CRHR2: variants seen among roughly 807,000 people sequenced by gnomAD.
CRHR2 encodes corticotropin releasing hormone receptor 2, also known as corticotropin-releasing hormone receptor 2.
Under a neutral mutation model 57.9 loss-of-function variants are expected in CRHR2, and 53 were observed. The ratio of observed to expected loss-of-function variants is 0.92; its 90% CI spans 0.73 to 1.15. The LOEUF is 1.15. Among genes scored for constraint, CRHR2 ranks in the 50% most tolerant of loss-of-function variants. CRHR2 has a pLI of 0.00. For missense variants in CRHR2, 532 were observed against 542.6 expected (o/e 0.98, Z 0.19); for synonymous variants, 213 against 220.9 (o/e 0.96, Z 0.32).
At position 30,694,024 on chromosome 7, in the gene CRHR2, G is replaced by A. The variant is rs188390292; in HGVS notation, c.-260-4740C>T. ...CAGCCCATGAGACTGACTGTAGGCT[G>A]TGGGAGCACAGGGTCCACATCTGTG... On this transcript the variant is annotated intron_variant, in intron 1 of 13. Transcript: ENST00000341843. 1.4e-4 allele frequency among the ~76,000 whole-genome samples: 21 copies of A among 152,326 alleles called. No homozygotes were observed. In the East Asian group the frequency reaches 3.7e-3, roughly 27 times the overall value.
chr7:30,683,640 C>G (rs1186671403), upstream of CRHR2, among the ~76,000 whole-genome samples: 5 of 152,244 alleles, frequency 3.3e-5, no homozygotes, highest in African/African-American at 1.2e-4. Flanking sequence ...CTTGCCCTCT[C>G]TTCTGGAGCT....
chr7:30,657,982 G>A (rs1004049614), intron 8 of CRHR2, among the ~76,000 whole-genome samples: 8 of 152,110 alleles, frequency 5.3e-5, no homozygotes, highest in African/African-American at 1.4e-4. Flanking sequence ...TGGCCCATCC[G>A]TCTATCCATT....
At chr7:30,689,413 G>A (rs527312034) in intron 1 of CRHR2, 2 of 789,064 alleles carry the variant, frequency 2.5e-6, no homozygotes, top group Non-Finnish European at 4.2e-6. Context: ...AACAAGGAGG[G>A]AGATGCCCAT....
intron 3 of CRHR2, among the ~76,000 whole-genome samples, chr7:30,666,552 T>C (rs899226082): frequency 1.3e-5 from 2 of 152,212 alleles, no homozygotes; most frequent in Admixed American, 1.3e-4. Flanking sequence ...GCAGAACCCC[T>C]GTGGCTCACA....
chr7:30,690,515 T>C (rs1439997208), intron 1 of CRHR2, among the ~76,000 whole-genome samples: 1 of 152,096 alleles, frequency 6.6e-6, no homozygotes, highest in Non-Finnish European at 1.5e-5. Context: ...AAGACACTGC[T>C]CCATCAGTGT....
At position 30,662,336 on chromosome 7, in the gene CRHR2, A is replaced by T. The variant is rs546200328; in HGVS notation, c.698-120T>A. The T allele has an allele frequency of 1.0e-4, 120 of 1,160,910 alleles. 1 individual carries two copies. The African/African-American group carries it at 1.7e-3, about 16-fold the overall frequency. The allele number at this position is 1,160,910 out of a possible 1,614,324, so 71.9% of individuals were successfully genotyped here. On this transcript the variant is annotated intron_variant, in intron 6 of 11. Transcript: ENST00000471646. ...GTTTTTACTCTTCCAACAGCAGGCC[A>T]CCCACAACCCCAGGGGTGCCCTGTC...
chr7:30,675,289 C>T (rs535238436), intron 2 of CRHR2, among the ~76,000 whole-genome samples: 14 of 152,330 alleles, frequency 9.2e-5, no homozygotes, highest in Admixed American at 3.3e-4. Context: ...TCCTTCAGCC[C>T]GTCTTCAGGG....
chr7:30,668,811 A>AT (rs1281825167), intron 2 of CRHR2, among the ~76,000 whole-genome samples: 4 of 152,134 alleles, frequency 2.6e-5, no homozygotes, highest in African/African-American at 9.7e-5. Flanking sequence ...GGGCCCTGCC[A>AT]TCCCCCTGCC....
At chr7:30,683,027 C>A (rs1055902640), upstream of CRHR2, among the ~76,000 whole-genome samples, 1 of 152,094 alleles carries the variant, frequency 6.6e-6, no homozygotes, top group African/African-American at 2.4e-5. Context: ...TGGATCAGAC[C>A]GTGGAAGCTG....
intron 2 of CRHR2, among the ~76,000 whole-genome samples, chr7:30,676,380 G>A (rs1784516405): frequency 6.6e-6 from 1 of 152,180 alleles, no homozygotes; most frequent in African/African-American, 2.4e-5. Flanking sequence ...GAGTCAGGGG[G>A]GATCAGGTCT....
intron 2 of CRHR2, among the ~76,000 whole-genome samples, chr7:30,678,114 T>C (rs777237546): frequency 9.9e-5 from 15 of 152,196 alleles, no homozygotes; most frequent in Non-Finnish European, 1.5e-4. Context: ...TGCCCTGTGT[T>C]CTTGGCTTGG....
At chr7:30,689,139 G>A (rs1784909772) in intron 2 of CRHR2, 1 of 1,484,584 alleles carries the variant, frequency 6.7e-7, no homozygotes, top group Non-Finnish European at 9.2e-7. Flanking sequence ...CTCCCGCAGG[G>A]CCCACCCACA....
chr7:30,666,310 T>C (rs1019409984), intron 3 of CRHR2, among the ~76,000 whole-genome samples: 1 of 152,236 alleles, frequency 6.6e-6, no homozygotes. Flanking sequence ...GCACTGTCTA[T>C]AGAGAATTTA....
At chr7:30,696,360 T>G (rs1785055945) in intron 1 of CRHR2, among the ~76,000 whole-genome samples, 1 of 152,208 alleles carries the variant, frequency 6.6e-6, no homozygotes, top group Non-Finnish European at 1.5e-5. Context: ...ACACATTGCA[T>G]GCCTGTATCA....
Position 30,653,548 on chromosome 7 carries a change from AG to A in CRHR2, c.1147del (p.Leu383PhefsTer88). Reference sequence around the variant, plus strand: ...CATGGCCCGGGCCATGGGGACTCGAAGGGAGTGATGGTCCTGCCAGCGGTGC... The same window carrying A: ...CATGGCCCGGGCCATGGGGACTCGAAGGAGTGATGGTCCTGCCAGCGGTGC... ...RWHRWQDHHSLRVPMARAMSI... is the reference protein window; with the variant it reads ...RWHRWQDHHSXRVPMARAMSI... On this transcript the variant is annotated frameshift_variant, in exon 12 of 12. Transcript: ENST00000471646. LOFTEE classifies it high-confidence loss of function. This position sits in a 1 kb window ranked among gnomAD's most constrained non-coding sequence, Gnocchi z 5.0. The A allele has an allele frequency of 6.2e-7, 1 of 1,613,282 alleles. No homozygotes were observed. Among genetic ancestry groups the A allele is most frequent in the Non-Finnish European group, 8.5e-7 (1 of 1,179,898 alleles).
intron 2 of CRHR2, among the ~76,000 whole-genome samples, chr7:30,676,503 G>A (rs904754784): frequency 7.2e-5 from 11 of 152,130 alleles, no homozygotes; most frequent in Admixed American, 3.9e-4. Context: ...CCTGCACTGC[G>A]CCTGTCCTTA....
At chr7:30,679,937 C>T (rs1027645424) in intron 2 of CRHR2, among the ~76,000 whole-genome samples, 3 of 152,242 alleles carry the variant, frequency 2.0e-5, no homozygotes, top group African/African-American at 7.2e-5. Flanking sequence ...CCTCCACAAG[C>T]TCCTCTCATT....
At position 30,655,602 on chromosome 7, in the gene CRHR2, T is replaced by C. The variant is rs1356693294; in HGVS notation, c.1031A>G (p.Asn344Ser). Reference sequence around the variant, plus strand: ...CACCTGGAACGACTGCAGGAAGGAGTTGAAATAGATGAACATGATCTGTGA... The same window carrying C: ...CACCTGGAACGACTGCAGGAAGGAGCTGAAATAGATGAACATGATCTGTGA... ...DLSQIMFIYFNSFLQSFQGFF... is the reference protein window; with the variant it reads ...DLSQIMFIYFSSFLQSFQGFF... The change falls in exon 10 of 12, where the codon AAC (asparagine) becomes AGC (serine). Residue 344 changes from asparagine to serine, a missense_variant. Physicochemically the swap from Asn to Ser is conservative, Grantham distance 46. Transcript: ENST00000471646. The C allele has an allele frequency of 1.2e-6, 2 of 1,612,964 alleles. No homozygotes were observed. The highest frequency in any genetic ancestry group is 2.7e-5 in the African/African-American group (2 of 74,654).
At chr7:30,672,482 C>G (rs567692278) in intron 2 of CRHR2, among the ~76,000 whole-genome samples, 2 of 152,326 alleles carry the variant, frequency 1.3e-5, no homozygotes, top group South Asian at 4.1e-4. Flanking sequence ...GATGCTGTTT[C>G]CTAGGTTACT....
Sources: allele counts gnomAD v4.1 joint callset (sites outside exome capture counted in the v4.1 genomes callset), GRCh38; gene constraint gnomAD v4.1.1; non-coding constraint Gnocchi (gnomAD v3.1); transcripts MANE v1.5; gene names NCBI Gene and HGNC (gene_info 2026-07-23, HGNC 2026-07-21).